Variants in RXFP1 observed in about 807,000 individuals in gnomAD.
The protein encoded by RXFP1 is relaxin receptor 1.
Under a neutral mutation model 89.8 loss-of-function variants are expected in RXFP1, and 73 were observed. The observed-to-expected ratio is 0.81, with a 90% CI of 0.67 to 0.99. RXFP1 has a LOEUF of 0.99. Ranked by LOEUF, RXFP1 falls within the 50% of genes least tolerant of loss-of-function variation. RXFP1 has a pLI of 0.00. For missense variants in RXFP1, 793 were observed against 895.5 expected (o/e 0.89, Z 1.46); for synonymous variants, 277 against 305.5 (o/e 0.91, Z 0.97).
chr4:158,593,910 G>C (rs748723361), intron 3 of RXFP1, among the ~76,000 whole-genome samples: 1 of 152,156 alleles, frequency 6.6e-6, no homozygotes, highest in East Asian at 1.9e-4. Context: ...AAATTCTTCT[G>C]AGCTGCAAAA....
In RXFP1 at chr4:158,652,104, A is replaced by G. The variant is rs1034123395; in HGVS notation, c.*49A>G. The G allele has an allele frequency of 4.7e-6, 7 of 1,481,952 alleles. No individual in the cohort carries two copies. The highest frequency in any genetic ancestry group is 6.4e-6 in the Non-Finnish European group (7 of 1,094,824). 91.8% of individuals were successfully genotyped at this position (1,481,952 alleles called of 1,614,324 possible). A position where few individuals can be genotyped will look rare whatever the true frequency, so the allele number is the denominator to read the frequency against. On this transcript the variant is annotated 3_prime_UTR_variant, in exon 18 of 18. Transcript: ENST00000307765. ...GCAGAGAATACTGTGGGGGTGCTTC[A>G]TGAGGGATTTACTGGTATGAAATGA...
rs5741905 is a variant in RXFP1, at chr4:158,527,564, A to AAAAAAAAATAT, written c.49+5540_49+5541insAAAAAAATATA. On this transcript the variant is annotated intron_variant, in intron 1 of 17. Transcript: ENST00000307765. ...ATCTCCCCCGCTCCAAAAAAAAAAA[A>AAAAAAAAATAT]ATATATATATATATGTATATATATA... 1.3e-3 allele frequency among the ~76,000 whole-genome samples: 127 copies of AAAAAAAAATAT among 98,326 alleles called. 2 individuals carry two copies. Among genetic ancestry groups the AAAAAAAAATAT allele is most frequent in the East Asian group, 4.7e-3 (15 of 3,158 alleles). The allele number at this position is 98,326 out of a possible 152,430, so 64.5% of individuals were successfully genotyped here. A position where few individuals can be genotyped will look rare whatever the true frequency, so the allele number is the denominator to read the frequency against.
chr4:158,542,894 C>T (rs990029334), intron 1 of RXFP1, among the ~76,000 whole-genome samples: 1 of 152,012 alleles, frequency 6.6e-6, no homozygotes, highest in Non-Finnish European at 1.5e-5. Flanking sequence ...ACTTAAGAAT[C>T]TTTTTTTCAC....
chr4:158,596,238 C>G (rs999642489), intron 3 of RXFP1, among the ~76,000 whole-genome samples: 7 of 150,168 alleles, frequency 4.7e-5, no homozygotes, highest in African/African-American at 1.7e-4. Context: ...TTTCTTTTAT[C>G]ATATATTGTT....
intron 3 of RXFP1, among the ~76,000 whole-genome samples, chr4:158,596,825 T>C (rs1288379640): frequency 6.6e-6 from 1 of 152,152 alleles, no homozygotes; most frequent in African/African-American, 2.4e-5. Context: ...GTTACATAAC[T>C]TTCATAGTTT....
intron 17 of RXFP1, among the ~76,000 whole-genome samples, chr4:158,649,108 A>C (rs1274360861): frequency 1.3e-5 from 2 of 152,030 alleles, no homozygotes; most frequent in Non-Finnish European, 2.9e-5. Context: ...GCCAAAAAAA[A>C]AAAATTGTAA....
chr4:158,568,323 A>G (rs551528909), intron 1 of RXFP1, among the ~76,000 whole-genome samples: 85 of 152,388 alleles, frequency 5.6e-4, no homozygotes, highest in African/African-American at 2.0e-3. Context: ...GCCACTAAAT[A>G]TAAATTTTAA....
chr4:158,631,641 G>T (rs1768052451), intron 11 of RXFP1, among the ~76,000 whole-genome samples: 1 of 152,194 alleles, frequency 6.6e-6, no homozygotes. Flanking sequence ...TTTGAATGAA[G>T]TCTAGAAGGA....
At chr4:158,585,934 A>G (rs1758229679) in intron 2 of RXFP1, among the ~76,000 whole-genome samples, 1 of 152,132 alleles carries the variant, frequency 6.6e-6, no homozygotes, top group Admixed American at 6.6e-5. Context: ...AAAGCAATAC[A>G]CTCCGAGTCA....
At chr4:158,623,974 C>G (rs1440885720) in intron 9 of RXFP1, among the ~76,000 whole-genome samples, 1 of 152,048 alleles carries the variant, frequency 6.6e-6, no homozygotes, top group Non-Finnish European at 1.5e-5. Flanking sequence ...CTGCCCAACT[C>G]TAGATTTTTT....
Position 158,648,679 on chromosome 4 carries a change from T to C in RXFP1, c.1937T>C (p.Val646Ala), listed in dbSNP as rs1772037377. 2 of 1,608,868 alleles carry C rather than the reference T, an allele frequency of 1.2e-6. No individual in the cohort carries two copies. Among genetic ancestry groups the C allele is most frequent in the Admixed American group, 1.7e-5 (1 of 59,114 alleles). Residue 646 changes from valine to alanine, a missense_variant, in exon 17 of 18, where the codon GTA becomes GCA. Coordinates refer to ENST00000307765, the MANE Select transcript of RXFP1 (RefSeq NM_021634.4). ...GCATTATGCTGGATACCCATTTTTG[T>C]AGTGAAATTTCTTTCACTGCTTCAG... ...TDALCWIPIF[V>A]VKFLSLLQVE...
Position 158,646,846 on chromosome 4 carries a change from G to T in RXFP1, c.1401G>T (p.Lys467Asn). ...TCGTGATCGGAGGCTTTGACCTAAAGTTTCGTGGAGAATACAATAAGCATG... is the reference window on the plus strand; with the variant it reads ...TCGTGATCGGAGGCTTTGACCTAAATTTTCGTGGAGAATACAATAAGCATG... ...YLFVIGGFDL[K>N]FRGEYNKHAQ... The change falls in exon 16 of 18, where the codon AAG becomes AAT. Residue 467 changes from lysine to asparagine, a missense_variant. Transcript: ENST00000307765. 6.2e-7 allele frequency: 1 copy of T among 1,614,104 alleles called. No individual in the cohort carries two copies. The highest frequency in any genetic ancestry group is 8.5e-7 in the Non-Finnish European group (1 of 1,179,984).
intron 2 of RXFP1, among the ~76,000 whole-genome samples, chr4:158,575,661 G>A (rs1345492460): frequency 6.6e-6 from 1 of 152,088 alleles, no homozygotes; most frequent in Non-Finnish European, 1.5e-5. Flanking sequence ...CAGAAAGTGG[G>A]CCATCACTAG....
intron 2 of RXFP1, among the ~76,000 whole-genome samples, chr4:158,577,517 T>A (rs1444153777): frequency 6.6e-6 from 1 of 152,186 alleles, no homozygotes; most frequent in African/African-American, 2.4e-5. Flanking sequence ...TTTAGAGTAA[T>A]AACTTACAAC....
Position 158,527,564 on chromosome 4 carries a change from A to AAT in RXFP1, c.49+5552_49+5553dup, listed in dbSNP as rs1553989424. Among the ~76,000 whole-genome samples, 536 of 98,322 alleles carry AAT rather than the reference A, an allele frequency of 5.5e-3. 15 individuals carry two copies. Among genetic ancestry groups the AAT allele is most frequent in the African/African-American group, 0.018 (515 of 28,530 alleles). The allele number at this position is 98,322 out of a possible 152,430, so 64.5% of individuals were successfully genotyped here. On this transcript the variant is annotated intron_variant, in intron 1 of 17. Coordinates refer to ENST00000307765, the MANE Select transcript of RXFP1 (RefSeq NM_021634.4). ...ATCTCCCCCGCTCCAAAAAAAAAAA[A>AAT]ATATATATATATATGTATATATATA... is the stretch of plus-strand genomic sequence containing the variant.
intron 2 of RXFP1, among the ~76,000 whole-genome samples, chr4:158,587,223 C>T (rs1579846825): frequency 6.6e-6 from 1 of 152,226 alleles, no homozygotes; most frequent in Non-Finnish European, 1.5e-5. Flanking sequence ...ATTTCTCACT[C>T]ACCTTCTGCA....
chr4:158,533,822 T>C (rs971944526), intron 1 of RXFP1, among the ~76,000 whole-genome samples: 2 of 152,116 alleles, frequency 1.3e-5, no homozygotes, highest in African/African-American at 4.8e-5. Context: ...CATGTAACTT[T>C]TATTTTTAAT....
At chr4:158,564,714 G>A (rs1561019531) in intron 1 of RXFP1, among the ~76,000 whole-genome samples, 1 of 152,150 alleles carries the variant, frequency 6.6e-6, no homozygotes, top group Non-Finnish European at 1.5e-5. Context: ...ACGAGAGCAT[G>A]TTTACTTGCT....
intron 12 of RXFP1, among the ~76,000 whole-genome samples, chr4:158,634,361 T>C (rs996961229): frequency 1.2e-4 from 19 of 152,182 alleles, no homozygotes; most frequent in South Asian, 4.1e-4. Flanking sequence ...CATTTTTCAA[T>C]TGGATTGTTC....
Sources: gnomAD v4.1 joint callset for allele counts (sites outside exome capture counted in the v4.1 genomes callset) on GRCh38, gnomAD v4.1.1 for gene constraint, MANE v1.5 for transcripts, NCBI Gene and HGNC (gene_info 2026-07-23, HGNC 2026-07-21) for gene names.